The following FHIT variants were observed in gnomAD, a reference collection of about 807,000 sequenced individuals.
FHIT encodes fragile histidine triad diadenosine triphosphatase, also known as bis(5'-adenosyl)-triphosphatase.
In FHIT, 19 loss-of-function variants were observed where a neutral mutation model predicts 17.9. The ratio of observed to expected loss-of-function variants is 1.06; its 90% CI spans 0.74 to 1.56. FHIT has a LOEUF of 1.56. Among genes scored for constraint, FHIT ranks in the 40% most tolerant of loss-of-function variants. The probability of loss-of-function intolerance (pLI) is 0.00; values close to 1 mark genes in which losing one functional copy is unlikely to be tolerated. For missense variants in FHIT, 248 were observed against 189.2 expected (o/e 1.31, Z -1.82); for synonymous variants, 81 against 69.7 (o/e 1.16, Z -0.81).
intron 5 of FHIT, among the ~76,000 whole-genome samples, chr3:60,235,162 T>A (rs1330661427): frequency 6.6e-6 from 1 of 152,092 alleles, no homozygotes; most frequent in Non-Finnish European, 1.5e-5. Context: ...ATTGCATCTT[T>A]CAACCATGGT....
At chr3:61,160,648 C>G (rs1226327776) in intron 2 of FHIT, among the ~76,000 whole-genome samples, 1 of 152,000 alleles carries the variant, frequency 6.6e-6, no homozygotes, top group Non-Finnish European at 1.5e-5. Flanking sequence ...GACTGACTAC[C>G]ATGGGGAACA....
chr3:60,317,906 T>C (rs1034396607), intron 5 of FHIT, among the ~76,000 whole-genome samples: 1 of 151,996 alleles, frequency 6.6e-6, no homozygotes, highest in Non-Finnish European at 1.5e-5. Flanking sequence ...TTCTCCTGCC[T>C]TAGCCTCCCT....
At chr3:60,203,204 C>T (rs896180957) in intron 5 of FHIT, among the ~76,000 whole-genome samples, 2 of 152,026 alleles carry the variant, frequency 1.3e-5, no homozygotes, top group African/African-American at 4.8e-5. Context: ...TTTGCAACTC[C>T]TGTGAATGTT....
intron 3 of FHIT, among the ~76,000 whole-genome samples, chr3:60,871,744 C>G (rs1454194429): frequency 6.6e-6 from 1 of 152,104 alleles, no homozygotes; most frequent in Non-Finnish European, 1.5e-5. Flanking sequence ...AGTGATCCTC[C>G]CACCTCAGCC....
Position 60,457,018 on chromosome 3 carries a change from T to C in FHIT, c.103+79842A>G, listed in dbSNP as rs189991012. On this transcript the variant is annotated intron_variant, in intron 5 of 9. Coordinates refer to ENST00000492590, the MANE Select transcript of FHIT (RefSeq NM_002012.4). ...TGGCCATACTGCCCAAGGTAATTTA[T>C]AGATTCAATGCCATCCCCATCAAGA... 3.2e-3 allele frequency among the ~76,000 whole-genome samples: 490 copies of C among 152,242 alleles called. 2 individuals are homozygous for C. The highest frequency in any genetic ancestry group is 0.011 in the African/African-American group (466 of 41,522).
chr3:60,149,461 A>T (rs1700369676), intron 5 of FHIT, among the ~76,000 whole-genome samples: 1 of 152,128 alleles, frequency 6.6e-6, no homozygotes, highest in Admixed American at 6.5e-5. Context: ...TTGTAAGCAC[A>T]AAGCAAATGA....
chr3:60,732,613 G>A (rs2042053114), intron 4 of FHIT: 1 of 543,136 alleles, frequency 1.8e-6, no homozygotes, highest in Non-Finnish European at 3.6e-6. Context: ...TGGCAATGTG[G>A]AAGTACACGG....
At chr3:61,223,110 G>A (rs945209958) in intron 1 of FHIT, among the ~76,000 whole-genome samples, 1 of 152,152 alleles carries the variant, frequency 6.6e-6, no homozygotes, top group African/African-American at 2.4e-5. Context: ...TGGTACTGAG[G>A]TGCTGCAATT....
intron 5 of FHIT, among the ~76,000 whole-genome samples, chr3:60,206,146 A>T (rs1481920310): frequency 8.1e-6 from 1 of 123,174 alleles, no homozygotes; most frequent in African/African-American, 3.3e-5. Context: ...AAAAAAAAAA[A>T]ATAAATAATA....
chr3:60,370,853 T>C (rs552180924), intron 5 of FHIT, among the ~76,000 whole-genome samples: 1 of 152,326 alleles, frequency 6.6e-6, no homozygotes, highest in East Asian at 1.9e-4. Flanking sequence ...ATAACATAGT[T>C]TCCTGTTTTA....
At chr3:60,294,840 G>T (rs1181099645) in intron 5 of FHIT, among the ~76,000 whole-genome samples, 1 of 152,156 alleles carries the variant, frequency 6.6e-6, no homozygotes, top group African/African-American at 2.4e-5. Flanking sequence ...GTTCTCTGGA[G>T]ATTAAGCTGT....
chr3:60,101,255 C>A (rs1024569110), intron 5 of FHIT, among the ~76,000 whole-genome samples: 11 of 152,250 alleles, frequency 7.2e-5, no homozygotes, highest in African/African-American at 2.4e-4. Context: ...ACCTGGCCTG[C>A]AAGGCCCTGC....
At chr3:60,235,185 C>T (rs1042269276) in intron 5 of FHIT, among the ~76,000 whole-genome samples, 5 of 151,616 alleles carry the variant, frequency 3.3e-5, no homozygotes. Context: ...AAATCCTTCT[C>T]TGTTAAGTAG....
At position 60,248,886 on chromosome 3, in the gene FHIT, T is replaced by C. The variant is rs375326287; in HGVS notation, c.104-234734A>G. 7.9e-5 allele frequency among the ~76,000 whole-genome samples: 12 copies of C among 152,258 alleles called. No individual in the cohort carries two copies. The East Asian group carries it at 2.3e-3, about 29-fold the overall frequency. On this transcript the variant is annotated intron_variant, in intron 5 of 9. Transcript: ENST00000492590. ...CTTTATACCAGAAGGAAAGTCACAT[T>C]TTTATCATCAAGGATGAAAAGGTGA...
chr3:61,009,206 G>C (rs867002567), intron 3 of FHIT, among the ~76,000 whole-genome samples: 3 of 152,128 alleles, frequency 2.0e-5, no homozygotes, highest in Non-Finnish European at 4.4e-5. Flanking sequence ...TCAAAACAAC[G>C]GCTGACACTG....
chr3:59,911,345 G>A (rs1704864493), intron 8 of FHIT, among the ~76,000 whole-genome samples: 2 of 152,150 alleles, frequency 1.3e-5, no homozygotes, highest in Middle Eastern at 3.2e-3. Flanking sequence ...TGAACGTAGA[G>A]GGGATGACAC....
chr3:60,156,520 G>A (rs1463681733), intron 5 of FHIT, among the ~76,000 whole-genome samples: 4 of 152,180 alleles, frequency 2.6e-5, no homozygotes, highest in South Asian at 4.1e-4. Flanking sequence ...AGGCCAAGGC[G>A]GAAGAATCAC....
chr3:59,960,954 G>A (rs768002945), intron 7 of FHIT, among the ~76,000 whole-genome samples: 4 of 152,172 alleles, frequency 2.6e-5, no homozygotes, highest in Non-Finnish European at 5.9e-5. Flanking sequence ...GATTAAATTT[G>A]AATAGTGCAC....
intron 7 of FHIT, among the ~76,000 whole-genome samples, chr3:59,976,220 C>G (rs936067647): frequency 6.6e-6 from 1 of 152,062 alleles, no homozygotes; most frequent in African/African-American, 2.4e-5. Flanking sequence ...AGCATTCAAC[C>G]TGGCTGAGCA....
Sources: gnomAD v4.1 joint callset for allele counts (sites outside exome capture counted in the v4.1 genomes callset) on GRCh38, gnomAD v4.1.1 for gene constraint, MANE v1.5 for transcripts, NCBI Gene and HGNC (gene_info 2026-07-23, HGNC 2026-07-21) for gene names.